GPC6: variants seen among roughly 807,000 people sequenced by gnomAD.
GPC6 encodes the protein glypican 6.
GPC6 carries 14 observed loss-of-function variants against 55.2 expected under a neutral mutation model. The observed-to-expected ratio is 0.25, with a 90% CI of 0.17 to 0.40. GPC6 has a LOEUF of 0.40. Among genes scored for constraint, GPC6 ranks in the 10% least tolerant of loss-of-function variants. GPC6 has a pLI of 1.00. For synonymous variants in GPC6, 278 were observed against 259.6 expected (o/e 1.07, Z -0.68); for missense variants, 641 against 708.5 (o/e 0.90, Z 1.08).
chr13:94,063,846 A>G (rs1884422176), intron 4 of GPC6, among the ~76,000 whole-genome samples: 1 of 152,268 alleles, frequency 6.6e-6, no homozygotes, highest in East Asian at 1.9e-4. Context: ...TGTTTATATC[A>G]TTATCTCATT....
intron 1 of GPC6, among the ~76,000 whole-genome samples, chr13:93,520,855 C>T (rs1195635923): frequency 9.4e-6 from 1 of 106,324 alleles, no homozygotes; most frequent in African/African-American, 3.2e-5. Flanking sequence ...ACAAACTATA[C>T]AGGCATGGAG....
At chr13:93,807,003 T>C (rs183758896) in intron 2 of GPC6, among the ~76,000 whole-genome samples, 64 of 152,330 alleles carry the variant, frequency 4.2e-4, no homozygotes, top group African/African-American at 1.5e-3. Context: ...TAAGAGCTTA[T>C]TGTTTTGTAA....
intron 4 of GPC6, among the ~76,000 whole-genome samples, chr13:94,038,494 GAC>G (rs956542203): frequency 1.3e-5 from 2 of 151,862 alleles, no homozygotes; most frequent in African/African-American, 2.4e-5. Context: ...AAATGTAGAA[GAC>G]ATAGGTAAGA....
intron 6 of GPC6, among the ~76,000 whole-genome samples, chr13:94,347,916 C>A (rs1355931116): frequency 6.6e-6 from 1 of 152,188 alleles, no homozygotes; most frequent in Admixed American, 6.5e-5. Flanking sequence ...GGTGGGTACC[C>A]GATGTGCGAG....
intron 4 of GPC6, among the ~76,000 whole-genome samples, chr13:94,060,163 T>C (rs1200269833): frequency 6.6e-6 from 1 of 152,176 alleles, no homozygotes; most frequent in Non-Finnish European, 1.5e-5. Context: ...ACCTAACAAA[T>C]AACACTCAAA....
intron 2 of GPC6, among the ~76,000 whole-genome samples, chr13:93,684,671 T>C (rs1470417080): frequency 1.3e-5 from 2 of 152,164 alleles, no homozygotes; most frequent in Non-Finnish European, 2.9e-5. Flanking sequence ...CACCTTTATA[T>C]TCCCAGCTCT....
intron 4 of GPC6, among the ~76,000 whole-genome samples, chr13:94,029,956 C>G (rs144080388): frequency 1.4e-3 from 217 of 151,350 alleles, no homozygotes; most frequent in Non-Finnish European, 2.5e-3. Flanking sequence ...GAAAAGCAAG[C>G]GTGGTGGTTC....
At chr13:93,934,340 C>G (rs995260175) in intron 3 of GPC6, among the ~76,000 whole-genome samples, 1 of 152,002 alleles carries the variant, frequency 6.6e-6, no homozygotes, top group Non-Finnish European at 1.5e-5. Flanking sequence ...ATATTTTTCT[C>G]TTGATTACAT....
chr13:94,298,512 A>G (rs964064249), intron 5 of GPC6, among the ~76,000 whole-genome samples: 2 of 151,976 alleles, frequency 1.3e-5, no homozygotes, highest in African/African-American at 4.9e-5. Flanking sequence ...CTTTGCAGTA[A>G]GCAGTGGCCA....
rs115759883 is a variant in GPC6 at position 94,257,652 on chromosome 13, C to T, written c.878-28697C>T. On this transcript the variant is annotated intron_variant, in intron 4 of 8. Transcript: ENST00000377047. ...CTGCAAATTGAGGAACACACAGACC[C>T]TTGAACACGGTGACTTGACCAGTGC... is the stretch of plus-strand genomic sequence containing the variant. 1.1e-3 allele frequency among the ~76,000 whole-genome samples: 171 copies of T among 152,308 alleles called. 1 individual carries two copies. Among genetic ancestry groups the T allele is most frequent in the African/African-American group, 3.9e-3 (161 of 41,588 alleles).
chr13:93,656,346 T>C (rs542616721), intron 2 of GPC6, among the ~76,000 whole-genome samples: 2 of 152,250 alleles, frequency 1.3e-5, no homozygotes, highest in Admixed American at 6.5e-5. Context: ...ATGTTACCCC[T>C]AAAGTAGGTT....
chr13:93,428,686 T>G (rs1877244654), intron 1 of GPC6, among the ~76,000 whole-genome samples: 1 of 152,146 alleles, frequency 6.6e-6, no homozygotes, highest in African/African-American at 2.4e-5. Context: ...GGATATTAGA[T>G]CATCTCTTTC....
At chr13:94,232,383 C>G (rs1032618080) in intron 4 of GPC6, among the ~76,000 whole-genome samples, 2 of 152,188 alleles carry the variant, frequency 1.3e-5, no homozygotes. Context: ...TTCATGGTCG[C>G]CTGCCACGTC....
intron 2 of GPC6, among the ~76,000 whole-genome samples, chr13:93,546,975 AT>A (rs34672038): frequency 0.38 from 57,604 of 151,926 alleles, 13,040 homozygotes; most frequent in Middle Eastern, 0.57. Context: ...TAACAAAAAA[AT>A]ATTAAATATT....
At chr13:93,603,854 A>G (rs1440448610) in intron 2 of GPC6, among the ~76,000 whole-genome samples, 2 of 152,128 alleles carry the variant, frequency 1.3e-5, no homozygotes, top group Non-Finnish European at 2.9e-5. Flanking sequence ...GTGAAGTGAG[A>G]AGAAGAATGC....
intron 2 of GPC6, among the ~76,000 whole-genome samples, chr13:93,649,315 G>A (rs551118278): frequency 6.6e-6 from 1 of 152,174 alleles, no homozygotes; most frequent in East Asian, 1.9e-4. Flanking sequence ...AGCCTGGTCT[G>A]GTGGCTCACT....
rs552065867 is a variant in GPC6 at position 93,465,829 on chromosome 13, A to G, written c.161-79434A>G. On this transcript the variant is annotated intron_variant, in intron 1 of 8. Transcript: ENST00000377047. ...CAATGTGCCTTAATCGCTAAGCTTAATAACTTTTAGCTTTTTCTTTAAAAT... is the reference window on the plus strand; with the variant it reads ...CAATGTGCCTTAATCGCTAAGCTTAGTAACTTTTAGCTTTTTCTTTAAAAT... Among the ~76,000 whole-genome samples, 5 of 152,322 alleles carry G rather than the reference A, an allele frequency of 3.3e-5. No homozygotes were observed. In the South Asian group the frequency reaches 8.3e-4, roughly 25 times the overall value.
chr13:94,030,508 C>T (rs997774267), intron 4 of GPC6, among the ~76,000 whole-genome samples: 10 of 152,180 alleles, frequency 6.6e-5, no homozygotes, highest in African/African-American at 2.4e-4. Flanking sequence ...GTGCCAACTC[C>T]ATTTTCCACA....
At chr13:93,719,256 C>A (rs1390017605) in intron 2 of GPC6, among the ~76,000 whole-genome samples, 1 of 152,004 alleles carries the variant, frequency 6.6e-6, no homozygotes, top group Non-Finnish European at 1.5e-5. Flanking sequence ...TCTGTTATTT[C>A]CTTGAGCAGT....
Sources: allele counts gnomAD v4.1 joint callset (sites outside exome capture counted in the v4.1 genomes callset), GRCh38; gene constraint gnomAD v4.1.1; transcripts MANE v1.5; gene names NCBI Gene and HGNC (gene_info 2026-07-23, HGNC 2026-07-21).